The following HTR1F variants were observed in gnomAD, a reference collection of about 807,000 sequenced individuals.
The protein encoded by HTR1F is 5-hydroxytryptamine (serotonin) receptor 1F, G protein-coupled.
A neutral mutation model predicts 24.0 loss-of-function variants in HTR1F; 17 were observed. That is an observed-to-expected ratio of 0.71 (90% CI 0.48 to 1.06). HTR1F has a LOEUF of 1.06. Ranked by LOEUF, HTR1F falls within the 50% of genes least tolerant of loss-of-function variation. The pLI is 0.00. For missense variants in HTR1F, 391 were observed against 427.8 expected (o/e 0.91, Z 0.76); for synonymous variants, 186 against 156.8 (o/e 1.19, Z -1.39).
chr3:87,948,966 T>C (rs1704774650), intron 2 of HTR1F, among the ~76,000 whole-genome samples: 1 of 152,202 alleles, frequency 6.6e-6, no homozygotes, highest in Non-Finnish European at 1.5e-5. Context: ...CAGCAGTATA[T>C]TTATTTTCAG....
At chr3:87,922,387 T>C (rs1472007687) in intron 2 of HTR1F, among the ~76,000 whole-genome samples, 7 of 151,912 alleles carry the variant, frequency 4.6e-5, no homozygotes, top group African/African-American at 1.7e-4. Context: ...TTGAGTTGTT[T>C]AGGTTTCTTC....
chr3:87,815,560 T>C (rs1393981494), intron 1 of HTR1F, among the ~76,000 whole-genome samples: 1 of 152,078 alleles, frequency 6.6e-6, no homozygotes, highest in East Asian at 1.9e-4. Flanking sequence ...ATCATGACAT[T>C]TTTATAGAAG....
intron 1 of HTR1F, among the ~76,000 whole-genome samples, chr3:87,794,397 A>G (rs1342470886): frequency 6.6e-6 from 1 of 152,170 alleles, no homozygotes; most frequent in Non-Finnish European, 1.5e-5. Context: ...GTATGTATTC[A>G]CTGTTTCCAA....
intron 2 of HTR1F, among the ~76,000 whole-genome samples, chr3:87,878,674 C>T (rs1705722719): frequency 6.6e-6 from 1 of 152,010 alleles, no homozygotes; most frequent in African/African-American, 2.4e-5. Flanking sequence ...GCACACCACA[C>T]ACACACAAAC....
At chr3:87,876,687 G>A (rs748774344) in intron 2 of HTR1F, among the ~76,000 whole-genome samples, 1 of 152,124 alleles carries the variant, frequency 6.6e-6, no homozygotes. Flanking sequence ...CAGGGAAAGG[G>A]GTAAGATAGG....
chr3:87,906,980 G>T (rs928477884), intron 2 of HTR1F, among the ~76,000 whole-genome samples: 5 of 152,040 alleles, frequency 3.3e-5, no homozygotes, highest in African/African-American at 9.7e-5. Context: ...ATTGCCACTT[G>T]TGCCACTATA....
rs781305737 is a variant in HTR1F, at chr3:87,991,370, A to G, written c.621A>G (p.Ala207=). Residue 207 remains alanine, a synonymous_variant, in exon 3 of 3, where the codon GCA becomes GCG. Coordinates refer to ENST00000319595, the MANE Select transcript of HTR1F (RefSeq NM_001322209.2). ...TCCTTTACTACAAAATATATAGAGCAGCAAAGACATTATACCACAAGAGAC... is the reference window on the plus strand; with the variant it reads ...TCCTTTACTACAAAATATATAGAGCGGCAAAGACATTATACCACAAGAGAC... ...ILILYYKIYR[A]AKTLYHKRQA... is the part of the protein sequence containing the mutation. 1.2e-6 allele frequency: 2 copies of G among 1,614,012 alleles called. No individual in the cohort carries two copies. The highest frequency in any genetic ancestry group is 4.5e-5 in the East Asian group (2 of 44,886).
At chr3:87,987,746 A>C (rs1031649487) in intron 2 of HTR1F, among the ~76,000 whole-genome samples, 1 of 140,168 alleles carries the variant, frequency 7.1e-6, no homozygotes, top group African/African-American at 2.6e-5. Flanking sequence ...ATATATATAA[A>C]ATATATGTAT....
chr3:87,933,431 A>T (rs1704333796), intron 2 of HTR1F, among the ~76,000 whole-genome samples: 1 of 152,212 alleles, frequency 6.6e-6, no homozygotes, highest in Non-Finnish European at 1.5e-5. Flanking sequence ...TTTGCAGACG[A>T]CATGATTGTA....
intron 1 of HTR1F, among the ~76,000 whole-genome samples, chr3:87,818,440 G>A (rs187867780): frequency 6.6e-6 from 1 of 152,140 alleles, no homozygotes; most frequent in Non-Finnish European, 1.5e-5. Context: ...CACCAAGAAA[G>A]CTACTTGCAA....
At chr3:87,880,853 G>A (rs777250223) in intron 2 of HTR1F, among the ~76,000 whole-genome samples, 8 of 152,190 alleles carry the variant, frequency 5.3e-5, no homozygotes, top group African/African-American at 7.2e-5. Context: ...GTTGTAAACT[G>A]TAATTGGAGA....
At chr3:87,806,906 T>A (rs952313719) in intron 1 of HTR1F, among the ~76,000 whole-genome samples, 2 of 152,016 alleles carry the variant, frequency 1.3e-5, no homozygotes, top group African/African-American at 4.8e-5. Flanking sequence ...CAATGTATGT[T>A]CTTGGAACCC....
chr3:87,806,709 A>G (rs1704080077), intron 1 of HTR1F, among the ~76,000 whole-genome samples: 1 of 151,950 alleles, frequency 6.6e-6, no homozygotes, highest in Admixed American at 6.6e-5. Context: ...CTCAGCCATA[A>G]TCTTTTCCTA....
chr3:87,876,295 G>A lies in HTR1F; in HGVS notation c.-43+54171G>A, dbSNP rs570297776. On this transcript the variant is annotated intron_variant, in intron 2 of 2. Transcript: ENST00000319595. ...ATTGAAAACAGGATCTTGAAGAGCT[G>A]TTCCCACACCTATGATCATTGCAGC... 5.9e-5 allele frequency among the ~76,000 whole-genome samples: 9 copies of A among 152,306 alleles called. No homozygotes were observed. The South Asian group carries it at 1.7e-3, about 28-fold the overall frequency.
At chr3:87,952,245 T>G (rs1425833649) in intron 2 of HTR1F, among the ~76,000 whole-genome samples, 3 of 151,908 alleles carry the variant, frequency 2.0e-5, no homozygotes, top group Admixed American at 2.0e-4. Context: ...ATGTAACTAT[T>G]TTAAAATTTA....
chr3:87,878,694 C>G (rs1198100739), intron 2 of HTR1F, among the ~76,000 whole-genome samples: 1 of 151,792 alleles, frequency 6.6e-6, no homozygotes, highest in Non-Finnish European at 1.5e-5. Context: ...CACACACACA[C>G]AGATTTTTTT....
At chr3:87,883,181 G>T (rs1402139509) in intron 2 of HTR1F, among the ~76,000 whole-genome samples, 1 of 152,210 alleles carries the variant, frequency 6.6e-6, no homozygotes, top group Non-Finnish European at 1.5e-5. Flanking sequence ...GGCAAACAGG[G>T]TCTGGAGTGG....
intron 2 of HTR1F, among the ~76,000 whole-genome samples, chr3:87,960,936 T>C (rs1420996644): frequency 6.6e-6 from 1 of 151,944 alleles, no homozygotes; most frequent in Non-Finnish European, 1.5e-5. Context: ...TGGAACTCTC[T>C]TTAGAATTTC....
At chr3:87,927,523 A>G (rs1012229051) in intron 2 of HTR1F, among the ~76,000 whole-genome samples, 3 of 152,166 alleles carry the variant, frequency 2.0e-5, no homozygotes, top group Non-Finnish European at 2.9e-5. Flanking sequence ...TGTATATTAT[A>G]TTATTTGGGT....
Sources: allele counts gnomAD v4.1 joint callset (sites outside exome capture counted in the v4.1 genomes callset), GRCh38; gene constraint gnomAD v4.1.1; transcripts MANE v1.5; gene names NCBI Gene and HGNC (gene_info 2026-07-23, HGNC 2026-07-21).